Variants in KCNK10 observed in about 807,000 individuals in gnomAD.
The protein encoded by KCNK10 is potassium channel subfamily K member 10.
A neutral mutation model predicts 47.7 loss-of-function variants in KCNK10; 25 were observed. That is an observed-to-expected ratio of 0.52 (90% CI 0.38 to 0.73). The LOEUF (loss-of-function observed/expected upper bound fraction) is 0.73, where lower values mean the gene tolerates loss of function less well. KCNK10 is among the 30% of genes least tolerant of loss of function. The pLI is 0.00. For synonymous variants in KCNK10, 303 were observed against 285.6 expected, an observed-to-expected ratio of 1.06 and a Z score of -0.61; for missense variants, 563 against 714.5, an observed-to-expected ratio of 0.79 and a Z score of 2.42.
At chr14:88,210,872 G>T (rs1885435846) in intron 4 of KCNK10, among the ~76,000 whole-genome samples, 1 of 151,528 alleles carries the variant, frequency 6.6e-6, no homozygotes, top group African/African-American at 2.4e-5. Flanking sequence ...TGGTGAGGAA[G>T]TGGAAAGACA....
At chr14:88,206,963 A>C (rs985208692) in intron 4 of KCNK10, among the ~76,000 whole-genome samples, 1 of 152,202 alleles carries the variant, frequency 6.6e-6, no homozygotes, top group Non-Finnish European at 1.5e-5. Flanking sequence ...TGACTTGATA[A>C]GTCTGTAGAA....
intron 1 of KCNK10, among the ~76,000 whole-genome samples, chr14:88,294,739 G>A (rs1026705637): frequency 6.6e-6 from 1 of 152,156 alleles, no homozygotes; most frequent in East Asian, 1.9e-4. Context: ...ATTGCCTTAA[G>A]GATCAGTTCC....
intron 3 of KCNK10, among the ~76,000 whole-genome samples, chr14:88,230,962 T>G (rs1417582752): frequency 6.6e-6 from 1 of 152,168 alleles, no homozygotes; most frequent in African/African-American, 2.4e-5. Flanking sequence ...TGGTGATTGC[T>G]CTTTTCAAAG....
chr14:88,216,272 G>A (rs10483991), intron 4 of KCNK10, among the ~76,000 whole-genome samples: 16,939 of 152,176 alleles, frequency 0.11, 2,180 homozygotes, highest in African/African-American at 0.31. Flanking sequence ...ACCAGAGCTC[G>A]TGTGGAAGAT....
intron 1 of KCNK10, among the ~76,000 whole-genome samples, chr14:88,275,170 T>G (rs1887500690): frequency 6.6e-6 from 1 of 152,072 alleles, no homozygotes; most frequent in Non-Finnish European, 1.5e-5. Context: ...GCCCACAACA[T>G]CAGGGTCACA....
At position 88,274,499 on chromosome 14, in the gene KCNK10, C is replaced by T. The variant is rs938673381; in HGVS notation, c.53-10948G>A. ...TTGGGAGGAGGAGGTTGCAGTGAGT[C>T]GACATTGCACCACTGCACTTTAGCC... On this transcript the variant is annotated intron_variant, in intron 1 of 6. Transcript: ENST00000319231. Among the ~76,000 whole-genome samples, 3 of 132,384 alleles carry T rather than the reference C, an allele frequency of 2.3e-5. No homozygotes were observed. In the Admixed American group the frequency reaches 2.6e-4, roughly 11 times the overall value. 86.8% of individuals were successfully genotyped at this position (132,384 alleles called of 152,430 possible).
intron 4 of KCNK10, among the ~76,000 whole-genome samples, chr14:88,223,952 G>A (rs1057475630): frequency 1.3e-5 from 2 of 151,710 alleles, no homozygotes; most frequent in African/African-American, 4.8e-5. Flanking sequence ...AGGCCAAGGA[G>A]GGCAGATCAC....
intron 2 of KCNK10, among the ~76,000 whole-genome samples, chr14:88,255,535 A>C (rs1017632555): frequency 7.3e-5 from 11 of 150,952 alleles, no homozygotes; most frequent in Non-Finnish European, 7.4e-5. Flanking sequence ...CTCTACCAAA[A>C]AAAAAAAAAA....
At chr14:88,326,449 A>G, upstream of KCNK10, 1 of 1,613,448 alleles carries the variant, frequency 6.2e-7, no homozygotes, top group Non-Finnish European at 8.5e-7. Context: ...GTGTAGAGAA[A>G]AAACATCCAA....
chr14:88,292,249 C>T (rs2139781931), intron 1 of KCNK10, among the ~76,000 whole-genome samples: 1 of 152,334 alleles, frequency 6.6e-6, no homozygotes, highest in East Asian at 1.9e-4. Flanking sequence ...GGAAAAGGAA[C>T]AGCCACGGCC....
chr14:88,288,032 A>T (rs1432638550), intron 1 of KCNK10, among the ~76,000 whole-genome samples: 1 of 152,000 alleles, frequency 6.6e-6, no homozygotes, highest in Non-Finnish European at 1.5e-5. Flanking sequence ...TATTATGGCC[A>T]TTCTTGCAGG....
chr14:88,193,265 G>A (rs1004172238), intron 4 of KCNK10, among the ~76,000 whole-genome samples: 5 of 152,188 alleles, frequency 3.3e-5, no homozygotes, highest in Non-Finnish European at 7.3e-5. Flanking sequence ...TCCTGAAGGA[G>A]TCAGTTGTTG....
At chr14:88,213,018 C>A (rs908294201) in intron 4 of KCNK10, among the ~76,000 whole-genome samples, 2 of 152,096 alleles carry the variant, frequency 1.3e-5, no homozygotes, top group African/African-American at 4.8e-5. Flanking sequence ...GCACACCTTT[C>A]AATAATGATG....
Position 88,181,066 on chromosome 14 carries a change from C to T in KCNK10, c.*4469G>A, listed in dbSNP as rs577607998. 2.6e-6 allele frequency: 1 copy of T among 378,394 alleles called. No homozygotes were observed. Among genetic ancestry groups the T allele is most frequent in the East Asian group, 3.8e-5 (1 of 26,574 alleles). 23.4% of individuals were successfully genotyped at this position (378,394 alleles called of 1,614,324 possible). On this transcript the variant is annotated 3_prime_UTR_variant, in exon 7 of 7. Coordinates refer to ENST00000319231, the MANE Select transcript of KCNK10 (RefSeq NM_138317.3). The stretch of plus-strand genomic sequence containing the variant: ...ACAAGCAGAGATGTGGAATGCAACA[C>T]TGGCTGGTTTTTCCTTTCTCGTTTT...
At chr14:88,314,770 C>T (rs1303415198) in intron 1 of KCNK10, among the ~76,000 whole-genome samples, 1 of 152,138 alleles carries the variant, frequency 6.6e-6, no homozygotes, top group African/African-American at 2.4e-5. Flanking sequence ...AAGGCAGGTA[C>T]CACTCATGGA....
intron 1 of KCNK10, among the ~76,000 whole-genome samples, chr14:88,292,735 T>A (rs10131101): frequency 1.3e-5 from 2 of 152,114 alleles, no homozygotes; most frequent in Non-Finnish European, 2.9e-5. Context: ...CTTGTTCAAG[T>A]GACTCTTGTG....
Position 88,260,426 on chromosome 14 carries a change from T to C in KCNK10, c.402+2776A>G, listed in dbSNP as rs1887078556. On this transcript the variant is annotated intron_variant, in intron 2 of 6. Transcript: ENST00000319231. The surrounding 1 kb of genome is among the most constrained non-coding windows in gnomAD (Gnocchi z 4.5). ...TGTGAATCAATTAAACCTCTTTTCT[T>C]TATAAATTGCTTAGTCTCAGATAGT... is the stretch of plus-strand genomic sequence containing the variant. Among the ~76,000 whole-genome samples, 1 of 152,238 alleles carries C rather than the reference T, an allele frequency of 6.6e-6. No homozygotes were observed. The highest frequency in any genetic ancestry group is 1.5e-5 in the Non-Finnish European group (1 of 68,044).
chr14:88,207,101 T>C (rs1316542501), intron 4 of KCNK10, among the ~76,000 whole-genome samples: 1 of 151,604 alleles, frequency 6.6e-6, no homozygotes, highest in African/African-American at 2.4e-5. Context: ...CTTCAAAGCC[T>C]AAGAACTTTT....
At chr14:88,227,609 T>C (rs1886029212) in intron 3 of KCNK10, 74 bp from the exon 4 acceptor site, 9 of 1,430,744 alleles carry the variant, frequency 6.3e-6, no homozygotes, top group Non-Finnish European at 8.5e-6. Flanking sequence ...ACAGACTTTT[T>C]TAAAAGTTTG....
Sources: allele counts gnomAD v4.1 joint callset (sites outside exome capture counted in the v4.1 genomes callset), GRCh38; gene constraint gnomAD v4.1.1; non-coding constraint Gnocchi (gnomAD v3.1); transcripts MANE v1.5; gene names NCBI Gene and HGNC (gene_info 2026-07-23, HGNC 2026-07-21).